The following FKBP15 variants were observed in gnomAD, a reference collection of about 807,000 sequenced individuals.
FKBP15 encodes FKBP prolyl isomerase family member 15.
A neutral mutation model predicts 158.1 loss-of-function variants in FKBP15; 106 were observed. That is an observed-to-expected ratio of 0.67 (90% CI 0.57 to 0.79). The LOEUF is 0.79. FKBP15 is among the 30% of genes least tolerant of loss of function. The pLI, the probability that FKBP15 is intolerant of heterozygous loss-of-function variation, is 0.00. For missense variants in FKBP15, 1,287 were observed against 1,479.1 expected, an observed-to-expected ratio of 0.87 and a Z score of 2.13; for synonymous variants, 547 against 548.6, an observed-to-expected ratio of 1.00 and a Z score of 0.04.
In FKBP15 at chr9:113,169,723, G is replaced by A. The variant is rs1166888567; in HGVS notation, c.2986C>T (p.Pro996Ser). ...QVVEEAVPLP[P>S]QALTTSQDGH... ...TCCTGGGAAGTGGTGAGGGCCTGAG[G>A]AGGCAACGGGACAGCTTCCTCGACC... Residue 996 changes from proline (P) to serine (S), a missense_variant, in exon 26 of 28, where the codon CCT becomes TCT. Pro to Ser is a moderately conservative substitution (Grantham distance 74). Transcript: ENST00000238256. 2 of 1,613,632 alleles carry A rather than the reference G, an allele frequency of 1.2e-6. No homozygotes were observed. Among genetic ancestry groups the A allele is most frequent in the South Asian group, 1.1e-5 (1 of 90,966 alleles).
rs1199135811 is a variant in FKBP15 at position 113,184,349 on chromosome 9, G to A, written c.1659C>T (p.Ser553=). ...TGCTTGTTTCCATTGTAACTGACAT[G>A]CTAGGAATAAGCATGGAATTGCCAG... ...HSAGNSMLIP[S]MSVTMETSMI... is the part of the protein sequence containing the mutation. Residue 553 remains serine, a synonymous_variant, in exon 17 of 28, where the codon AGC becomes AGT. Transcript: ENST00000238256. The surrounding 1 kb of genome is among the most constrained non-coding windows in gnomAD (Gnocchi z 4.5). 6.2e-7 allele frequency: 1 copy of A among 1,607,294 alleles called. No homozygotes were observed.
intron 4 of FKBP15, among the ~76,000 whole-genome samples, chr9:113,205,551 C>T (rs1830870437): frequency 6.6e-6 from 1 of 152,056 alleles, no homozygotes; most frequent in South Asian, 2.1e-4. Context: ...AACTGAAACC[C>T]TCATACATTG....
chr9:113,205,658 C>A (rs1226755341), intron 4 of FKBP15, among the ~76,000 whole-genome samples: 1 of 152,138 alleles, frequency 6.6e-6, no homozygotes, highest in Non-Finnish European at 1.5e-5. Context: ...CAGCAATTTC[C>A]ACTCTTAGTA....
chr9:113,161,643 A>G lies in FKBP15; in HGVS notation c.*4435T>C, dbSNP rs1830014212. 1 of 1,613,898 alleles carries G rather than the reference A, an allele frequency of 6.2e-7. No individual in the cohort carries two copies. Among genetic ancestry groups the G allele is most frequent in the Non-Finnish European group, 8.5e-7 (1 of 1,179,904 alleles). ...CATCAGCCAGCAGACCATCGCAGAG[A>G]CAGACGGGGACTCTGCAGGCTCAGA... is the stretch of plus-strand genomic sequence containing the variant. On this transcript the variant is annotated 3_prime_UTR_variant, in exon 28 of 28. Transcript: ENST00000238256.
In FKBP15 at chr9:113,161,385, G is replaced by C; in HGVS notation, c.*4693C>G. On this transcript the variant is annotated 3_prime_UTR_variant, in exon 28 of 28. Transcript: ENST00000238256. ...AGACAGTGAAGAAGTTCGGAACTCA[G>C]CAAGGGTGGGGAAGAAGGTGCAGGA... The C allele has an allele frequency of 1.1e-6, 1 of 877,662 alleles. No homozygotes were observed. 54.4% of individuals were successfully genotyped at this position (877,662 alleles called of 1,614,324 possible).
chr9:113,215,633 TA>T, intron 1 of FKBP15, among the ~76,000 whole-genome samples: 1 of 111,170 alleles, frequency 9.0e-6, no homozygotes, highest in Non-Finnish European at 1.8e-5. Flanking sequence ...TGTATATATA[TA>T]TATATATATA....
rs374097177 is a variant in FKBP15, at chr9:113,198,890, G to A, written c.682C>T (p.Leu228Phe). Residue 228 changes from leucine to phenylalanine, a missense_variant, in exon 8 of 28, where the codon CTT becomes TTT. Transcript: ENST00000238256. This position sits in a 1 kb window ranked among gnomAD's most constrained non-coding sequence, Gnocchi z 5.2. ...TTTCCTGATCCTAACTTCAAGCGAAGCAACTTATCTTTGTTAGCAGTGGAG... is the reference window on the plus strand; with the variant it reads ...TTTCCTGATCCTAACTTCAAGCGAAACAACTTATCTTTGTTAGCAGTGGAG... ...FDSTANKDKL[L>F]RLKLGSGKVI... 38 of 1,606,022 alleles carry A rather than the reference G, an allele frequency of 2.4e-5. No homozygotes were observed. Among genetic ancestry groups the A allele is most frequent in the Non-Finnish European group, 2.9e-5 (34 of 1,175,974 alleles).
Position 113,200,034 on chromosome 9 carries a change from G to A in FKBP15, c.499-71C>T, listed in dbSNP as rs1587968807. ...AAGTACTCATTCCTTTATTGCTACT[G>A]CTCTTTCTCAAATAGCTTCATCCAC... On this transcript the variant is annotated intron_variant, in intron 6 of 27. Transcript: ENST00000238256. 22 of 1,463,710 alleles carry A rather than the reference G, an allele frequency of 1.5e-5. No homozygotes were observed. The East Asian group carries it at 5.3e-4, about 35-fold the overall frequency. 90.7% of individuals were successfully genotyped at this position (1,463,710 alleles called of 1,614,324 possible). A position where few individuals can be genotyped will look rare whatever the true frequency, so the allele number is the denominator to read the frequency against.
chr9:113,166,601 G>A (rs941565354), intron 27 of FKBP15, among the ~76,000 whole-genome samples: 21 of 152,210 alleles, frequency 1.4e-4, no homozygotes, highest in Admixed American at 1.3e-3. Flanking sequence ...AAATACTGTC[G>A]TCGTGGCCTA....
chr9:113,203,059 G>GA (rs10568341), intron 4 of FKBP15, 24 bp from the exon 5 acceptor site: 37,376 of 1,189,350 alleles, frequency 0.031, 47 homozygotes, highest in South Asian at 0.096. Flanking sequence ...ACGACAGATA[G>GA]AAAAAAAAAA....
rs1796501204 is a variant in FKBP15, at chr9:113,186,597, T to C, written c.1384-234A>G. 18 of 494,280 alleles carry C rather than the reference T, an allele frequency of 3.6e-5. No homozygotes were observed. In the South Asian group the frequency reaches 5.1e-4, roughly 14 times the overall value. 30.6% of individuals were successfully genotyped at this position (494,280 alleles called of 1,614,324 possible). Reference sequence around the variant, plus strand: ...TCCTACCCAGAAACTGAAGAAAGTGTATCTTAGGTCACTACCCAGTCATCT... The same window carrying C: ...TCCTACCCAGAAACTGAAGAAAGTGCATCTTAGGTCACTACCCAGTCATCT... On this transcript the variant is annotated intron_variant, in intron 14 of 27. Transcript: ENST00000238256.
At chr9:113,217,125 C>T (rs1831151815) in intron 1 of FKBP15, among the ~76,000 whole-genome samples, 1 of 150,328 alleles carries the variant, frequency 6.7e-6, no homozygotes, top group Admixed American at 6.6e-5. Context: ...GCTGGTCTTG[C>T]ACTCCTGACC....
chr9:113,181,287 T>C (rs1362550676), intron 19 of FKBP15, among the ~76,000 whole-genome samples: 2 of 152,172 alleles, frequency 1.3e-5, no homozygotes, highest in South Asian at 2.1e-4. Context: ...AACATTTGGG[T>C]AGATTATTGA....
intron 9 of FKBP15, among the ~76,000 whole-genome samples, chr9:113,195,140 T>A (rs900684243): frequency 2.0e-5 from 3 of 152,222 alleles, no homozygotes; most frequent in Non-Finnish European, 2.9e-5. Flanking sequence ...TATATCCTAC[T>A]GCTCAAGGTC....
chr9:113,206,342 G>A, intron 4 of FKBP15, 167 bp downstream of exon 4: 1 of 592,462 alleles, frequency 1.7e-6, no homozygotes. Flanking sequence ...ACAATAGTAA[G>A]CAAAATGTGA....
rs774011808 is a variant in FKBP15, at chr9:113,199,861, C to G, written c.601G>C (p.Glu201Gln). 2 of 1,613,206 alleles carry G rather than the reference C, an allele frequency of 1.2e-6. No homozygotes were observed. The highest frequency in any genetic ancestry group is 1.1e-5 in the South Asian group (1 of 90,840). The change falls in exon 7 of 28, where the codon GAA (glutamate) becomes CAA (glutamine). Residue 201 changes from glutamate to glutamine, a missense_variant. Physicochemically the swap from Glu to Gln is conservative, Grantham distance 29. Transcript: ENST00000238256. ...AAGAGCCAGCCGGTATAGGCCACTT[C>G]CAAAGAATCTCCAACTTCTACAGCA... ...GPAVEVGDSL[E>Q]VAYTGWLFQN...
chr9:113,185,668 T>C (rs1425532484), intron 15 of FKBP15, among the ~76,000 whole-genome samples: 4 of 152,244 alleles, frequency 2.6e-5, no homozygotes, highest in Non-Finnish European at 5.9e-5. Context: ...ATACAAAATA[T>C]CTGAAAAGTT....
In FKBP15 at chr9:113,183,736, C is replaced by T. The variant is rs1458138182; in HGVS notation, c.1811+15G>A. ...CCTTTTGTCCATCCTAGCCAGGCCCCGTACCTGTCATTACCTCTGATTTCG... is the reference window on the plus strand; with the variant it reads ...CCTTTTGTCCATCCTAGCCAGGCCCTGTACCTGTCATTACCTCTGATTTCG... On this transcript the variant is annotated intron_variant, in intron 18 of 27. Transcript: ENST00000238256. 17 of 1,584,712 alleles carry T rather than the reference C, an allele frequency of 1.1e-5. No homozygotes were observed. The highest frequency in any genetic ancestry group is 2.2e-5 in the South Asian group (2 of 90,338).
At chr9:113,182,911 G>A (rs1423343823) in intron 18 of FKBP15, 43 bp from the exon 19 acceptor site, 2 of 1,512,696 alleles carry the variant, frequency 1.3e-6, no homozygotes, top group Non-Finnish European at 9.2e-7. Context: ...ATCAAGCACT[G>A]AGTGTATGGC....
Sources: gnomAD v4.1 joint callset for allele counts (sites outside exome capture counted in the v4.1 genomes callset) on GRCh38, gnomAD v4.1.1 for gene constraint, Gnocchi (gnomAD v3.1) non-coding constraint, MANE v1.5 for transcripts, NCBI Gene and HGNC (gene_info 2026-07-23, HGNC 2026-07-21) for gene names.